The following TOP3A variants were observed in gnomAD, a reference collection of about 807,000 sequenced individuals.
The protein encoded by TOP3A is DNA topoisomerase 3-alpha.
TOP3A carries 64 observed loss-of-function variants against 111.3 expected under a neutral mutation model. The ratio of observed to expected loss-of-function variants is 0.57; its 90% confidence interval spans 0.47 to 0.71. TOP3A has a LOEUF of 0.71. Among genes scored for constraint, TOP3A ranks in the 30% least tolerant of loss-of-function variants. The pLI, the probability that TOP3A is intolerant of heterozygous loss-of-function variation, is 0.00. For missense variants in TOP3A, 1,104 were observed against 1,285.0 expected (o/e 0.86, Z 2.15); for synonymous variants, 484 against 485.1 (o/e 1.00, Z 0.03).
At position 18,308,294 on chromosome 17, in the gene TOP3A, G is replaced by A. The variant is rs770553574; in HGVS notation, c.314+57C>T. Reference sequence around the variant, plus strand: ...AAGATCAACATGCCTCAAAATTCCTGTGAAATTTCACAACTTACTATAATC... The same window carrying A: ...AAGATCAACATGCCTCAAAATTCCTATGAAATTTCACAACTTACTATAATC... On this transcript the variant is annotated intron_variant, in intron 3 of 18. Coordinates refer to ENST00000321105, the MANE Select transcript of TOP3A (RefSeq NM_004618.5). The A allele has an allele frequency of 1.4e-5, 13 of 932,766 alleles. No homozygotes were observed. In the Admixed American group the frequency reaches 2.6e-4, roughly 19 times the overall value. 57.8% of individuals were successfully genotyped at this position (932,766 alleles called of 1,614,324 possible). A position where few individuals can be genotyped will look rare whatever the true frequency, so the allele number is the denominator to read the frequency against.
chr17:18,278,093 C>G lies in TOP3A; in HGVS notation c.2409G>C (p.Thr803=), dbSNP rs534128074. ...TCACAGAATTGCTTTCACCAGCAGCCGTGGGTGGTGGGAGGGTCTGGGCCA... is the reference window on the plus strand; with the variant it reads ...TCACAGAATTGCTTTCACCAGCAGCGGTGGGTGGTGGGAGGGTCTGGGCCA... The part of the protein sequence containing the change: ...KALAQTLPPP[T]AAGESNSVTC... Residue 803 remains threonine (T), a synonymous_variant, in exon 18 of 19, where the codon ACG becomes ACC. Transcript: ENST00000321105. 6.2e-7 allele frequency: 1 copy of G among 1,614,198 alleles called. No homozygotes were observed. Among genetic ancestry groups the G allele is most frequent in the South Asian group, 1.1e-5 (1 of 91,092 alleles).
chr17:18,301,513 T>A (rs1366421114), intron 8 of TOP3A, among the ~76,000 whole-genome samples: 1 of 152,240 alleles, frequency 6.6e-6, no homozygotes, highest in East Asian at 1.9e-4. Flanking sequence ...CTTCTCTAGA[T>A]GTCCTCATGT....
In TOP3A at chr17:18,278,097, G is replaced by C; in HGVS notation, c.2405C>G (p.Pro802Arg). 6.2e-7 allele frequency: 1 copy of C among 1,614,238 alleles called. No homozygotes were observed. Among genetic ancestry groups the C allele is most frequent in the Non-Finnish European group, 8.5e-7 (1 of 1,180,050 alleles). ...AGAATTGCTTTCACCAGCAGCCGTGGGTGGTGGGAGGGTCTGGGCCAGAGC... is the reference window on the plus strand; with the variant it reads ...AGAATTGCTTTCACCAGCAGCCGTGCGTGGTGGGAGGGTCTGGGCCAGAGC... ...SKALAQTLPP[P>R]TAAGESNSVT... Residue 802 changes from proline to arginine, a missense_variant, in exon 18 of 19, where the codon CCC becomes CGC. Transcript: ENST00000321105.
At chr17:18,284,045 GCT>G (rs1368973520) in intron 15 of TOP3A, among the ~76,000 whole-genome samples, 10 of 152,186 alleles carry the variant, frequency 6.6e-5, no homozygotes, top group Non-Finnish European at 1.5e-4. Flanking sequence ...TGTTGCCCAA[GCT>G]GGACTGCAGT....
intron 4 of TOP3A, among the ~76,000 whole-genome samples, chr17:18,305,620 C>T (rs980685112): frequency 6.6e-6 from 1 of 151,846 alleles, no homozygotes; most frequent in Admixed American, 6.6e-5. Context: ...GGGTGGATCA[C>T]GAGGTCAGGA....
At chr17:18,309,901 G>A (rs955898961) in intron 1 of TOP3A, among the ~76,000 whole-genome samples, 5 of 150,256 alleles carry the variant, frequency 3.3e-5, no homozygotes, top group African/African-American at 7.3e-5. Flanking sequence ...TAGTAGAGAT[G>A]GGGTTTCACC....
Position 18,285,459 on chromosome 17 carries a change from G to A in TOP3A, c.1659C>T (p.Leu553=). 1.9e-6 allele frequency: 3 copies of A among 1,614,086 alleles called. No homozygotes were observed. Among genetic ancestry groups the A allele is most frequent in the Admixed American group, 1.7e-5 (1 of 60,014 alleles). Residue 553 remains leucine (L), a synonymous_variant, in exon 14 of 19, where the codon CTC becomes CTT. Coordinates refer to ENST00000321105, the MANE Select transcript of TOP3A (RefSeq NM_004618.5). The part of the protein sequence containing the change: ...ETIKARMYVG[L]TPDKRFLPGH... The stretch of plus-strand genomic sequence containing the variant: ...CAGGGAGGAACCGCTTGTCTGGGGT[G>A]AGGCCCACGTACATCCGGGCTTTGA...
intron 17 of TOP3A, among the ~76,000 whole-genome samples, chr17:18,278,904 G>C (rs1009108621): frequency 6.6e-6 from 1 of 152,146 alleles, no homozygotes; most frequent in Non-Finnish European, 1.5e-5. Flanking sequence ...CTTGAACCTG[G>C]GAGTCAGAGG....
In TOP3A at chr17:18,302,631, G is replaced by A; in HGVS notation, c.592C>T (p.Gln198Ter). The A allele has an allele frequency of 2.5e-6, 4 of 1,614,202 alleles. No individual in the cohort carries two copies. The highest frequency in any genetic ancestry group is 2.5e-6 in the Non-Finnish European group (3 of 1,180,036). Residue 198 changes from glutamine (Q) to a stop codon, truncating the protein, a stop_gained, in exon 6 of 19, where the codon CAG (glutamine) becomes TAG (stop). Transcript: ENST00000321105. LOFTEE classifies it high-confidence loss of function. ...ACATCCACAGCATCGCTCACCCTCT[G>A]ATCAGGCTCGGTCAGGTTTTCACAA... ...TACENLTEPDQRVSDAVDVRQ... is the reference protein window; with the variant it reads ...TACENLTEPD
At position 18,301,996 on chromosome 17, in the gene TOP3A, G is replaced by A. The variant is rs1197891020; in HGVS notation, c.815-11C>T. On this transcript the variant is annotated splice_polypyrimidine_tract_variant and intron_variant, in intron 7 of 18. Transcript: ENST00000321105. Reference sequence around the variant, plus strand: ...TGTGGTCATGAGTTACTATATTAAGGAGAGACAAACAGAAAGGCTGTGTCT... The same window carrying A: ...TGTGGTCATGAGTTACTATATTAAGAAGAGACAAACAGAAAGGCTGTGTCT... 3 of 1,610,482 alleles carry A rather than the reference G, an allele frequency of 1.9e-6. No homozygotes were observed. Among genetic ancestry groups the A allele is most frequent in the East Asian group, 2.2e-5 (1 of 44,864 alleles).
In TOP3A at chr17:18,277,886, T is replaced by C; in HGVS notation, c.2616A>G (p.Gly872=). 1.2e-6 allele frequency: 2 copies of C among 1,613,912 alleles called. No homozygotes were observed. Among genetic ancestry groups the C allele is most frequent in the Non-Finnish European group, 1.7e-6 (2 of 1,179,980 alleles). Residue 872 remains glycine (G), a synonymous_variant, in exon 18 of 19, where the codon GGA becomes GGG. Coordinates refer to ENST00000321105, the MANE Select transcript of TOP3A (RefSeq NM_004618.5). ...LAYRPLGASL[G]CPPGPGIHLG... ...GGTGGATCCCTGGGCCTGGTGGGCA[T>C]CCCAGGGAGGCGCCCAGGGGTCTAT... is the stretch of plus-strand genomic sequence containing the variant.
intron 15 of TOP3A, 25 bp downstream of exon 15, chr17:18,285,117 C>G (rs767948411): frequency 3.1e-6 from 5 of 1,609,828 alleles, no homozygotes; most frequent in Non-Finnish European, 4.2e-6. Context: ...AGTGAGACCC[C>G]TCTGTATTTC....
chr17:18,291,612 A>C (rs996638784), intron 11 of TOP3A, among the ~76,000 whole-genome samples: 13 of 152,280 alleles, frequency 8.5e-5, no homozygotes, highest in African/African-American at 3.1e-4. Context: ...CAGATTTGGC[A>C]AAATAAATTA....
intron 13 of TOP3A, among the ~76,000 whole-genome samples, chr17:18,287,660 C>G (rs1200352494): frequency 6.6e-6 from 1 of 152,000 alleles, no homozygotes; most frequent in Non-Finnish European, 1.5e-5. Context: ...TGGCTGTGAC[C>G]TAGCCTGGGT....
At chr17:18,305,943 T>C (rs961496979) in intron 4 of TOP3A, among the ~76,000 whole-genome samples, 2 of 150,624 alleles carry the variant, frequency 1.3e-5, no homozygotes, top group Admixed American at 1.4e-4. Flanking sequence ...GGCTCACACC[T>C]GTAATCCCAA....
At chr17:18,277,553 A>C in intron 18 of TOP3A, 122 bp downstream of exon 18, 4 of 1,104,294 alleles carry the variant, frequency 3.6e-6, no homozygotes, top group Middle Eastern at 3.1e-4. Context: ...GGTGCAAGGC[A>C]GCCCAGGTGC....
intron 1 of TOP3A, among the ~76,000 whole-genome samples, chr17:18,311,156 A>G (rs1420843844): frequency 3.3e-5 from 5 of 151,696 alleles, no homozygotes; most frequent in African/African-American, 4.8e-5. Context: ...GTCTGCCAGC[A>G]TGCCCGGCTA....
intron 5 of TOP3A, 108 bp downstream of exon 5, chr17:18,305,004 G>T: frequency 1.2e-6 from 1 of 858,398 alleles, no homozygotes. Flanking sequence ...CTGGGAGGGA[G>T]AGTACCTGCA....
chr17:18,309,630 C>T (rs1367849949), intron 1 of TOP3A, among the ~76,000 whole-genome samples: 2 of 150,996 alleles, frequency 1.3e-5, no homozygotes, highest in African/African-American at 2.4e-5. Context: ...GGTGACAGAG[C>T]GAGACTGTCT....
Sources: allele counts gnomAD v4.1 joint callset (sites outside exome capture counted in the v4.1 genomes callset), GRCh38; gene constraint gnomAD v4.1.1; transcripts MANE v1.5; gene names NCBI Gene and HGNC (gene_info 2026-07-23, HGNC 2026-07-21).